Variants in CERK observed in about 807,000 individuals in gnomAD.
The protein encoded by CERK is acylsphingosine kinase.
CERK carries 39 observed loss-of-function variants against 63.4 expected under a neutral mutation model. That is an observed-to-expected ratio of 0.61 (90% CI 0.48 to 0.80). The LOEUF is 0.80. CERK is among the 30% of genes least tolerant of loss of function. The pLI is 0.00. For synonymous variants in CERK, 302 were observed against 280.0 expected (o/e 1.08, Z -0.78); for missense variants, 670 against 714.1 (o/e 0.94, Z 0.70).
chr22:46,737,545 C>T (rs1299716450), intron 1 of CERK, among the ~76,000 whole-genome samples: 1 of 152,244 alleles, frequency 6.6e-6, no homozygotes, highest in East Asian at 1.9e-4. Flanking sequence ...AACAGGAAGT[C>T]CTCACCCTGC....
At chr22:46,695,400 C>A in intron 8 of CERK, 85 bp from the exon 9 acceptor site, 1 of 851,342 alleles carries the variant, frequency 1.2e-6, no homozygotes, top group South Asian at 1.3e-5. Flanking sequence ...TCAGAAATGT[C>A]GCTGAGCGCG....
intron 1 of CERK, among the ~76,000 whole-genome samples, chr22:46,726,568 A>G (rs1368836749): frequency 6.6e-5 from 10 of 152,214 alleles, no homozygotes; most frequent in Non-Finnish European, 1.5e-5. Context: ...TCCCCCTGCA[A>G]TGACATGCAA....
At chr22:46,703,653 C>T (rs1012937178) in intron 6 of CERK, among the ~76,000 whole-genome samples, 10 of 152,322 alleles carry the variant, frequency 6.6e-5, no homozygotes, top group African/African-American at 2.2e-4. Context: ...ACCAGCTACA[C>T]CCCGGAGTCT....
intron 3 of CERK, among the ~76,000 whole-genome samples, chr22:46,717,545 T>C (rs1013902831): frequency 1.3e-5 from 2 of 152,258 alleles, no homozygotes. Flanking sequence ...TTCACAAGTG[T>C]CATGTTGAGC....
chr22:46,695,224 C>T lies in CERK; in HGVS notation c.1035G>A (p.Lys345=), dbSNP rs768758197. 4 of 1,585,704 alleles carry T rather than the reference C, an allele frequency of 2.5e-6. No homozygotes were observed. The highest frequency in any genetic ancestry group is 1.1e-5 in the South Asian group (1 of 90,068). Residue 345 remains lysine, a synonymous_variant, in exon 9 of 13, where the codon AAG becomes AAA. Transcript: ENST00000216264. ...AATGCACTTACCCTGCCCGGCAGGG[C>T]TTCCTATCCCTTGGAGATCCCACCG... ...QHTVGSPRDR[K]PCRAGCFVCR...
At chr22:46,710,342 G>A (rs1006897215) in intron 5 of CERK, among the ~76,000 whole-genome samples, 7 of 151,754 alleles carry the variant, frequency 4.6e-5, no homozygotes, top group Non-Finnish European at 8.8e-5. Flanking sequence ...GTTGAGGCAG[G>A]AGAATCATTT....
At chr22:46,712,872 T>G (rs1601721105) in intron 3 of CERK, among the ~76,000 whole-genome samples, 1 of 144,452 alleles carries the variant, frequency 6.9e-6, no homozygotes. Flanking sequence ...TGAGATGGAG[T>G]CTCGCTCTGT....
chr22:46,687,301 C>G, intron 12 of CERK, 95 bp from the exon 13 acceptor site: 1 of 480,220 alleles, frequency 2.1e-6, no homozygotes, highest in Non-Finnish European at 3.3e-6. Context: ...GTAAACCCCA[C>G]GTGTCCCTCA....
chr22:46,724,568 T>A (rs1434950581), intron 1 of CERK, among the ~76,000 whole-genome samples: 1 of 152,194 alleles, frequency 6.6e-6, no homozygotes, highest in Non-Finnish European at 1.5e-5. Context: ...TGTATCTGGC[T>A]GCAGTCTTAC....
At chr22:46,718,420 CAG>C (rs887775175) in intron 3 of CERK, among the ~76,000 whole-genome samples, 13 of 152,236 alleles carry the variant, frequency 8.5e-5, no homozygotes, top group Admixed American at 7.2e-4. Context: ...GCGGGAGAAA[CAG>C]ATGCACTCTT....
intron 1 of CERK, among the ~76,000 whole-genome samples, chr22:46,730,105 A>G (rs1343575809): frequency 6.6e-6 from 1 of 152,106 alleles, no homozygotes; most frequent in African/African-American, 2.4e-5. Flanking sequence ...ACTGAGACAC[A>G]GTTGAACATA....
chr22:46,716,633 C>A (rs1048426716), intron 3 of CERK, among the ~76,000 whole-genome samples: 1 of 151,860 alleles, frequency 6.6e-6, no homozygotes, highest in Admixed American at 6.6e-5. Flanking sequence ...AGTTTCTACA[C>A]ATCATTAAGA....
intron 1 of CERK, among the ~76,000 whole-genome samples, chr22:46,726,856 G>A (rs1016117711): frequency 3.4e-5 from 5 of 147,866 alleles, no homozygotes; most frequent in African/African-American, 9.8e-5. Flanking sequence ...CAGAACCCAC[G>A]TGACGCCCAC....
intron 6 of CERK, among the ~76,000 whole-genome samples, chr22:46,704,682 G>A (rs192528524): frequency 8.5e-5 from 13 of 152,052 alleles, no homozygotes; most frequent in South Asian, 2.1e-4. Context: ...AAAATTAGCC[G>A]GGCACGGTGG....
At chr22:46,706,545 G>A (rs1228879863) in intron 6 of CERK, among the ~76,000 whole-genome samples, 2 of 152,186 alleles carry the variant, frequency 1.3e-5, no homozygotes, top group South Asian at 2.1e-4. Context: ...GAGCCAGGCT[G>A]TTCTCATTAG....
At chr22:46,713,377 C>T (rs1219553983) in intron 3 of CERK, among the ~76,000 whole-genome samples, 2 of 151,542 alleles carry the variant, frequency 1.3e-5, no homozygotes, top group Admixed American at 6.6e-5. Context: ...GGCGTGGTGG[C>T]GGGCACCTGT....
At chr22:46,709,763 A>C (rs1266020194) in intron 5 of CERK, among the ~76,000 whole-genome samples, 2 of 152,246 alleles carry the variant, frequency 1.3e-5, no homozygotes, top group African/African-American at 4.8e-5. Context: ...TGAAGAGTGA[A>C]ATTTTAAGCA....
chr22:46,713,508 CAA>C (rs34168827), intron 3 of CERK, among the ~76,000 whole-genome samples: 11 of 74,306 alleles, frequency 1.5e-4, no homozygotes, highest in African/African-American at 5.0e-4. Context: ...GACTTCATCT[CAA>C]AAAAAAAAAA....
chr22:46,738,243 G>A lies in CERK; in HGVS notation c.-95C>T. ...CCCTGCAGTGGCCCGGGCGGCGGGC[G>A]GCGGGCGGCGGGAGGCGGCGCTGCG... is the stretch of plus-strand genomic sequence containing the variant. On this transcript the variant is annotated 5_prime_UTR_variant, in exon 1 of 13. Coordinates refer to ENST00000216264, the MANE Select transcript of CERK (RefSeq NM_022766.6). 3 of 717,596 alleles carry A rather than the reference G, an allele frequency of 4.2e-6. No individual in the cohort carries two copies. The highest frequency in any genetic ancestry group is 5.1e-6 in the Non-Finnish European group (3 of 589,204). 44.5% of individuals were successfully genotyped at this position (717,596 alleles called of 1,614,324 possible). A position where few individuals can be genotyped will look rare whatever the true frequency, so the allele number is the denominator to read the frequency against.
Sources: gnomAD v4.1 joint callset for allele counts (sites outside exome capture counted in the v4.1 genomes callset) on GRCh38, gnomAD v4.1.1 for gene constraint, MANE v1.5 for transcripts, NCBI Gene and HGNC (gene_info 2026-07-23, HGNC 2026-07-21) for gene names.